The following UBE2R2 variants were observed in gnomAD, a reference collection of about 807,000 sequenced individuals.
UBE2R2 encodes ubiquitin conjugating enzyme E2 R2.
A neutral mutation model predicts 27.8 loss-of-function variants in UBE2R2; 1 was observed. That is an observed-to-expected ratio of 0.04 (90% confidence interval 0.01 to 0.17). The LOEUF (loss-of-function observed/expected upper bound fraction) is 0.17, where lower values mean the gene tolerates loss of function less well. Ranked by LOEUF, UBE2R2 falls within the 10% of genes least tolerant of loss-of-function variation. The pLI, the probability that UBE2R2 is intolerant of heterozygous loss-of-function variation, is 1.00. For missense variants in UBE2R2, 100 were observed against 291.0 expected, an observed-to-expected ratio of 0.34 and a Z score of 4.78; for synonymous variants, 106 against 113.3, an observed-to-expected ratio of 0.94 and a Z score of 0.41.
intron 1 of UBE2R2, among the ~76,000 whole-genome samples, chr9:33,820,241 T>A (rs577687396): frequency 6.6e-6 from 1 of 152,236 alleles, no homozygotes; most frequent in Non-Finnish European, 1.5e-5. Context: ...TTCCTTGTGT[T>A]AATACACTGA....
At chr9:33,837,670 C>T (rs1186589168) in intron 1 of UBE2R2, among the ~76,000 whole-genome samples, 1 of 151,804 alleles carries the variant, frequency 6.6e-6, no homozygotes, top group South Asian at 2.1e-4. Flanking sequence ...ATTGATCTAC[C>T]TGCCTTAGCC....
Position 33,817,729 on chromosome 9 carries a change from C to T in UBE2R2, c.-29C>T. 2 of 1,492,054 alleles carry T rather than the reference C, an allele frequency of 1.3e-6. No individual in the cohort carries two copies. The highest frequency in any genetic ancestry group is 8.9e-7 in the Non-Finnish European group (1 of 1,119,612). The allele number at this position is 1,492,054 out of a possible 1,614,324, so 92.4% of individuals were successfully genotyped here. A position where few individuals can be genotyped will look rare whatever the true frequency, so the allele number is the denominator to read the frequency against. On this transcript the variant is annotated 5_prime_UTR_variant, in exon 1 of 5. Coordinates refer to ENST00000263228, the MANE Select transcript of UBE2R2 (RefSeq NM_017811.4). ...GGTGCGTGAGGACTGGGGCCCGGGC[C>T]CGGCGCCGCCGCCGCCGCCGCCGCC...
At chr9:33,854,016 A>G (rs919498787) in intron 1 of UBE2R2, among the ~76,000 whole-genome samples, 1 of 151,814 alleles carries the variant, frequency 6.6e-6, no homozygotes, top group Non-Finnish European at 1.5e-5. Flanking sequence ...TAACTTTTTT[A>G]TGAATTGTTT....
In UBE2R2 at chr9:33,896,378, T is replaced by C. The variant is rs931676592; in HGVS notation, c.265-3796T>C. On this transcript the variant is annotated intron_variant, in intron 2 of 4. Transcript: ENST00000263228. ...GCAGGCATCCTTGTCAAGCTCCCGA[T>C]CTTAGGAGTAAAGCTTTTAGTCTTT... Among the ~76,000 whole-genome samples the C allele has an allele frequency of 2.0e-5, 3 of 152,096 alleles. 1 individual carries two copies. The highest frequency in any genetic ancestry group is 2.0e-4 in the Admixed American group (3 of 15,266).
intron 1 of UBE2R2, among the ~76,000 whole-genome samples, chr9:33,830,784 A>AG (rs901612259): frequency 4.0e-5 from 6 of 151,822 alleles, no homozygotes; most frequent in Non-Finnish European, 5.9e-5. Flanking sequence ...AAAAAAAAAA[A>AG]AGAGATATCT....
At chr9:33,857,452 G>A (rs1821132782) in intron 1 of UBE2R2, among the ~76,000 whole-genome samples, 1 of 151,978 alleles carries the variant, frequency 6.6e-6, no homozygotes, top group Non-Finnish European at 1.5e-5. Flanking sequence ...CCAAGTAGCT[G>A]GAATTACAGG....
rs541161776 is a variant in UBE2R2, at chr9:33,862,827, G to A, written c.178-24054G>A. 2.6e-5 allele frequency among the ~76,000 whole-genome samples: 4 copies of A among 151,762 alleles called. No individual in the cohort carries two copies. In the South Asian group the frequency reaches 8.3e-4, roughly 32 times the overall value. On this transcript the variant is annotated intron_variant, in intron 1 of 4. Coordinates refer to ENST00000263228, the MANE Select transcript of UBE2R2 (RefSeq NM_017811.4). ...CTTTAACATATAAACAGTATGTTTT[G>A]TTATATAGAATTGTTTAACTTTTAT...
chr9:33,819,192 A>T (rs1304345857), intron 1 of UBE2R2, among the ~76,000 whole-genome samples: 2 of 152,182 alleles, frequency 1.3e-5, no homozygotes, highest in Admixed American at 1.3e-4. Flanking sequence ...TCTTGGCACA[A>T]GTTTTAAATG....
At chr9:33,836,216 T>G (rs1245426050) in intron 1 of UBE2R2, among the ~76,000 whole-genome samples, 2 of 152,094 alleles carry the variant, frequency 1.3e-5, no homozygotes, top group African/African-American at 4.8e-5. Flanking sequence ...ATATTCAGTA[T>G]AGTAACATGC....
At chr9:33,823,812 T>C (rs1301038856) in intron 1 of UBE2R2, among the ~76,000 whole-genome samples, 1 of 152,252 alleles carries the variant, frequency 6.6e-6, no homozygotes, top group Non-Finnish European at 1.5e-5. Flanking sequence ...TTACTGCCGA[T>C]GAGCTAAGAA....
At position 33,918,610 on chromosome 9, in the gene UBE2R2, C is replaced by G. The variant is rs897319983; in HGVS notation, c.*1373C>G. Reference sequence around the variant, plus strand: ...GCAGCCTTCACCATCCAGGAGACTTCAGAACTTGAAGGTAATTTTTGGTTG... The same window carrying G: ...GCAGCCTTCACCATCCAGGAGACTTGAGAACTTGAAGGTAATTTTTGGTTG... On this transcript the variant is annotated 3_prime_UTR_variant, in exon 5 of 5. Coordinates refer to ENST00000263228, the MANE Select transcript of UBE2R2 (RefSeq NM_017811.4). 4 of 152,378 alleles carry G rather than the reference C, an allele frequency of 2.6e-5. No homozygotes were observed. Among genetic ancestry groups the G allele is most frequent in the African/African-American group, 9.7e-5 (4 of 41,400 alleles). 9.4% of individuals were successfully genotyped at this position (152,378 alleles called of 1,614,324 possible). A position where few individuals can be genotyped will look rare whatever the true frequency, so the allele number is the denominator to read the frequency against.
intron 1 of UBE2R2, among the ~76,000 whole-genome samples, chr9:33,831,905 C>T (rs1297141215): frequency 6.6e-6 from 1 of 151,172 alleles, no homozygotes; most frequent in Admixed American, 6.6e-5. Flanking sequence ...AGGTGATCTG[C>T]CTGCTTCAGC....
At chr9:33,853,957 A>G (rs1821035705) in intron 1 of UBE2R2, among the ~76,000 whole-genome samples, 1 of 152,064 alleles carries the variant, frequency 6.6e-6, no homozygotes. Context: ...CGGCCTCCCA[A>G]AGTGCTGGGA....
At position 33,917,178 on chromosome 9, in the gene UBE2R2, G is replaced by T; in HGVS notation, c.658G>T (p.Glu220Ter). The T allele has an allele frequency of 6.2e-7, 1 of 1,614,028 alleles. No homozygotes were observed. The highest frequency in any genetic ancestry group is 8.5e-7 in the Non-Finnish European group (1 of 1,179,912). Reference protein sequence around the residue: ...LYDDDIDDEDEEEEDADCYDD... With the variant: ...LYDDDIDDED ...TGATGACGACATTGATGATGAAGATGAGGAGGAGGAAGATGCCGACTGTTA... is the reference window on the plus strand; with the variant it reads ...TGATGACGACATTGATGATGAAGATTAGGAGGAGGAAGATGCCGACTGTTA... Residue 220 changes from glutamate (E) to a stop codon, truncating the protein, a stop_gained, in exon 5 of 5, where the codon GAG becomes TAG. Coordinates refer to ENST00000263228, the MANE Select transcript of UBE2R2 (RefSeq NM_017811.4). LOFTEE classifies it high-confidence loss of function.
chr9:33,904,209 A>G (rs1822304086), intron 3 of UBE2R2, among the ~76,000 whole-genome samples: 1 of 152,194 alleles, frequency 6.6e-6, no homozygotes, highest in Non-Finnish European at 1.5e-5. Flanking sequence ...TATATTTTCT[A>G]ACAGGTCATT....
Position 33,918,700 on chromosome 9 carries a change from G to T in UBE2R2, c.*1463G>T, listed in dbSNP as rs891549591. Reference sequence around the variant, plus strand: ...AGGAAACCGCTATAATGTAAAATCAGATTTCAGAAGGAAAATGCAGCAAGG... The same window carrying T: ...AGGAAACCGCTATAATGTAAAATCATATTTCAGAAGGAAAATGCAGCAAGG... On this transcript the variant is annotated 3_prime_UTR_variant, in exon 5 of 5. Transcript: ENST00000263228. 6.6e-6 allele frequency: 1 copy of T among 152,600 alleles called. No individual in the cohort carries two copies. The highest frequency in any genetic ancestry group is 6.5e-5 in the Admixed American group (1 of 15,276). 9.5% of individuals were successfully genotyped at this position (152,600 alleles called of 1,614,324 possible).
chr9:33,864,810 C>G (rs551718501), intron 1 of UBE2R2, among the ~76,000 whole-genome samples: 1 of 151,644 alleles, frequency 6.6e-6, no homozygotes, highest in African/African-American at 2.4e-5. Context: ...CTGCAACCTC[C>G]GCCTCCTGGG....
At chr9:33,854,511 G>A (rs1211433178) in intron 1 of UBE2R2, among the ~76,000 whole-genome samples, 2 of 151,766 alleles carry the variant, frequency 1.3e-5, no homozygotes, top group East Asian at 1.9e-4. Flanking sequence ...TTGTAGAGAC[G>A]GGGTTTTACC....
intron 1 of UBE2R2, among the ~76,000 whole-genome samples, chr9:33,824,009 G>A (rs540390171): frequency 6.4e-4 from 97 of 152,232 alleles, no homozygotes; most frequent in Non-Finnish European, 1.3e-3. Flanking sequence ...CTAAGGTAAC[G>A]TTATAAATGG....
Sources: allele counts gnomAD v4.1 joint callset (sites outside exome capture counted in the v4.1 genomes callset), GRCh38; gene constraint gnomAD v4.1.1; transcripts MANE v1.5; gene names NCBI Gene and HGNC (gene_info 2026-07-23, HGNC 2026-07-21).